TRAK1: variants seen among roughly 807,000 people sequenced by gnomAD.
TRAK1 encodes trafficking kinesin protein 1, also known as trafficking kinesin-binding protein 1.
A neutral mutation model predicts 92.1 loss-of-function variants in TRAK1; 33 were observed. The ratio of observed to expected loss-of-function variants is 0.36; its 90% CI spans 0.27 to 0.48. The LOEUF (loss-of-function observed/expected upper bound fraction) is 0.48. TRAK1 is among the 20% of genes least tolerant of loss of function. TRAK1 has a pLI of 0.99. For synonymous variants in TRAK1, 521 were observed against 517.3 expected (o/e 1.01, Z -0.10); for missense variants, 1,123 against 1,257.9 (o/e 0.89, Z 1.62).
chr3:42,086,860 G>A (rs1183814833), upstream of TRAK1, among the ~76,000 whole-genome samples: 3 of 152,110 alleles, frequency 2.0e-5, no homozygotes, highest in African/African-American at 7.2e-5. Context: ...TTCAAGGCAG[G>A]TTTCAGTAAG....
Position 42,224,436 on chromosome 3 carries a change from T to C in TRAK1, c.*699T>C, listed in dbSNP as rs867211094. 8.0e-5 allele frequency: 19 copies of C among 237,428 alleles called. 1 individual carries two copies. Among genetic ancestry groups the C allele is most frequent in the East Asian group, 1.7e-4 (1 of 5,832 alleles). The allele number at this position is 237,428 out of a possible 1,614,324, so 14.7% of individuals were successfully genotyped here. A position where few individuals can be genotyped will look rare whatever the true frequency, so the allele number is the denominator to read the frequency against. ...TGTCTGACCCGAAAGAGAATGTATT[T>C]ACACTCATGCTGCGTTGTTCAGCAG... is the stretch of plus-strand genomic sequence containing the variant. On this transcript the variant is annotated 3_prime_UTR_variant, in exon 16 of 16. Coordinates refer to ENST00000327628, the MANE Select transcript of TRAK1 (RefSeq NM_001042646.3).
intron 1 of TRAK1, among the ~76,000 whole-genome samples, chr3:42,077,859 G>A (rs1013753020): frequency 3.3e-5 from 5 of 152,192 alleles, no homozygotes; most frequent in African/African-American, 9.7e-5. Flanking sequence ...CAGAGACTGT[G>A]GGGTGTTCTA....
intron 1 of TRAK1, among the ~76,000 whole-genome samples, chr3:42,032,659 G>T (rs749591498): frequency 3.9e-5 from 6 of 152,064 alleles, no homozygotes; most frequent in Non-Finnish European, 7.4e-5. Context: ...ATTTCCTCAG[G>T]GTTTCTTTTT....
intron 1 of TRAK1, among the ~76,000 whole-genome samples, chr3:42,069,569 A>G (rs1177691459): frequency 1.3e-5 from 2 of 152,090 alleles, no homozygotes; most frequent in African/African-American, 4.8e-5. Context: ...TTAAATAGGG[A>G]TACTATATTC....
chr3:42,186,823 T>TC (rs138957722), intron 4 of TRAK1, among the ~76,000 whole-genome samples: 9,103 of 152,200 alleles, frequency 0.06, 284 homozygotes, highest in Middle Eastern at 0.085. Context: ...AAATTATCAG[T>TC]CTAGGTGTCG....
intron 2 of TRAK1, chr3:42,160,465 T>G: frequency 2.5e-6 from 4 of 1,614,078 alleles, no homozygotes; most frequent in Non-Finnish European, 3.4e-6. Flanking sequence ...CAGGACCTCT[T>G]GGAAGAGGGT....
chr3:42,224,794 G>C lies in TRAK1; in HGVS notation c.*1057G>C, dbSNP rs1164566983. 6.6e-6 allele frequency: 1 copy of C among 152,250 alleles called. No homozygotes were observed. The highest frequency in any genetic ancestry group is 1.5e-5 in the Non-Finnish European group (1 of 68,046). 9.4% of individuals were successfully genotyped at this position (152,250 alleles called of 1,614,324 possible). A position where few individuals can be genotyped will look rare whatever the true frequency, so the allele number is the denominator to read the frequency against. ...CGGTTCCAGGGGGAAACAAGGCTTT[G>C]GTATTCCGCTGGCTCCAGCGCTTTT... On this transcript the variant is annotated 3_prime_UTR_variant, in exon 16 of 16. Transcript: ENST00000327628.
At chr3:42,127,253 G>A (rs760723773) in intron 2 of TRAK1, among the ~76,000 whole-genome samples, 13 of 151,426 alleles carry the variant, frequency 8.6e-5, no homozygotes, top group Admixed American at 2.6e-4. Context: ...ATCTCTCTGC[G>A]TTACTTACCT....
At chr3:42,043,614 CTG>C (rs982474377) in intron 1 of TRAK1, among the ~76,000 whole-genome samples, 46 of 132,514 alleles carry the variant, frequency 3.5e-4, no homozygotes, top group Non-Finnish European at 5.9e-4. Context: ...CTCCATGGAG[CTG>C]GGGGGGGGGC....
chr3:42,217,299 G>C, intron 14 of TRAK1: 1 of 985,294 alleles, frequency 1.0e-6, no homozygotes, highest in South Asian at 4.7e-5. Flanking sequence ...GAGCCCACGG[G>C]TCCAGGCGTC....
chr3:42,201,452 C>T (rs2149470873), intron 12 of TRAK1, among the ~76,000 whole-genome samples: 1 of 150,870 alleles, frequency 6.6e-6, no homozygotes, highest in Admixed American at 6.6e-5. Flanking sequence ...CAGAGTGAGA[C>T]TCTGTCTCAA....
intron 1 of TRAK1, among the ~76,000 whole-genome samples, chr3:42,035,478 G>A (rs12106811): frequency 1.3e-5 from 2 of 151,948 alleles, no homozygotes; most frequent in African/African-American, 2.4e-5. Flanking sequence ...GCCATTACCC[G>A]TTCCCTGCCA....
At chr3:42,180,031 C>T (rs936310233) in intron 3 of TRAK1, among the ~76,000 whole-genome samples, 13 of 152,036 alleles carry the variant, frequency 8.6e-5, no homozygotes, top group South Asian at 2.1e-4. Flanking sequence ...TAAGCTGCCA[C>T]GCCCAACCTG....
At position 42,114,514 on chromosome 3, in the gene TRAK1, T is replaced by C. The variant is rs181287131; in HGVS notation, c.92-10906T>C. On this transcript the variant is annotated intron_variant, in intron 1 of 15. Transcript: ENST00000327628. ...CCAGGTGCAATTACTGGTTTAAGGA[T>C]CATGGACACATTTTTGGTTCTCTAA... Among the ~76,000 whole-genome samples, 25 of 152,332 alleles carry C rather than the reference T, an allele frequency of 1.6e-4. No individual in the cohort carries two copies. The East Asian group carries it at 3.9e-3, about 24-fold the overall frequency.
At chr3:42,042,804 T>C (rs1270348481) in intron 1 of TRAK1, among the ~76,000 whole-genome samples, 1 of 152,186 alleles carries the variant, frequency 6.6e-6, no homozygotes, top group Non-Finnish European at 1.5e-5. Context: ...CAGTTCTTAA[T>C]GTAGAGGGTG....
At chr3:42,133,828 G>T (rs1339637598) in intron 2 of TRAK1, among the ~76,000 whole-genome samples, 1 of 152,080 alleles carries the variant, frequency 6.6e-6, no homozygotes, top group Non-Finnish European at 1.5e-5. Context: ...TATTACAATT[G>T]TTTTATCTAA....
intron 2 of TRAK1, among the ~76,000 whole-genome samples, chr3:42,150,324 G>A (rs562413570): frequency 1.8e-4 from 28 of 152,320 alleles, no homozygotes; most frequent in South Asian, 6.2e-4. Flanking sequence ...ACAGAAAACA[G>A]CACTGAGGTG....
intron 4 of TRAK1, among the ~76,000 whole-genome samples, chr3:42,185,564 G>C (rs1186115743): frequency 6.6e-6 from 1 of 152,078 alleles, no homozygotes; most frequent in Non-Finnish European, 1.5e-5. Context: ...AAGAAGCTTA[G>C]AGCCAGGCCC....
chr3:42,212,605 A>G (rs1709187373), intron 14 of TRAK1: 2 of 932,394 alleles, frequency 2.1e-6, no homozygotes, highest in South Asian at 4.9e-5. Context: ...GATGATTAAA[A>G]TGGATTGTTT....
Sources: allele counts gnomAD v4.1 joint callset (sites outside exome capture counted in the v4.1 genomes callset), GRCh38; gene constraint gnomAD v4.1.1; transcripts MANE v1.5; gene names NCBI Gene and HGNC (gene_info 2026-07-23, HGNC 2026-07-21).